MC4R: variants seen among roughly 807,000 people sequenced by gnomAD.
MC4R encodes the protein melanocortin 4 receptor.
In MC4R, 15 loss-of-function variants were observed where a neutral mutation model predicts 16.1. The observed-to-expected ratio is 0.93, with a 90% CI of 0.62 to 1.44. The LOEUF (loss-of-function observed/expected upper bound fraction) is 1.44, where lower values mean the gene tolerates loss of function less well. Among genes scored for constraint, MC4R ranks in the 40% most tolerant of loss-of-function variants. The pLI is 0.00. For synonymous variants in MC4R, 162 were observed against 151.7 expected, an observed-to-expected ratio of 1.07 and a Z score of -0.50; for missense variants, 416 against 411.4, an observed-to-expected ratio of 1.01 and a Z score of -0.10.
chr18:60,372,409 G>C lies in MC4R; in HGVS notation c.-60C>G, dbSNP rs763156013. On this transcript the variant is annotated 5_prime_UTR_variant, in exon 1 of 1. Coordinates refer to ENST00000299766, the MANE Select transcript of MC4R (RefSeq NM_005912.3). ...ATTTAACCTCCTGGGTCAGGGAGTC[G>C]TCTCAGTTATTTCCTCCAAGTCTTT... 3.5e-4 allele frequency: 556 copies of C among 1,573,200 alleles called. No homozygotes were observed. Among genetic ancestry groups the C allele is most frequent in the Non-Finnish European group, 4.7e-4 (539 of 1,149,482 alleles).
Position 60,372,014 on chromosome 18 carries a change from C to T in MC4R, c.336G>A (p.Thr112=), listed in dbSNP as rs201115059. The T allele has an allele frequency of 9.3e-6, 15 of 1,613,974 alleles. No individual in the cohort carries two copies. The highest frequency in any genetic ancestry group is 1.3e-5 in the African/African-American group (1 of 74,896). ...IVITLLNSTD[T]DAQSFTVNID... is the part of the protein sequence containing the mutation. ...TATTCACTGTGAAACTCTGTGCATC[C>T]GTATCTGTACTGTTTAATAGGGTGA... The change falls in exon 1 of 1, where the codon ACG becomes ACA. Residue 112 remains threonine, a synonymous_variant. Coordinates refer to ENST00000299766, the MANE Select transcript of MC4R (RefSeq NM_005912.3).
Position 60,371,277 on chromosome 18 carries a change from A to G in MC4R, c.*74T>C. The stretch of plus-strand genomic sequence containing the variant: ...ACACGGAAGAGAAAGCTGTTGCAGA[A>G]GTACAATATTCAGGTAGGGTAAGAG... On this transcript the variant is annotated 3_prime_UTR_variant, in exon 1 of 1. Transcript: ENST00000299766. 7.0e-7 allele frequency: 1 copy of G among 1,436,280 alleles called. No individual in the cohort carries two copies. The highest frequency in any genetic ancestry group is 9.8e-7 in the Non-Finnish European group (1 of 1,022,284). 89.0% of individuals were successfully genotyped at this position (1,436,280 alleles called of 1,614,324 possible).
In MC4R at chr18:60,372,040, T is replaced by A. The variant is rs1403250146; in HGVS notation, c.310A>T (p.Ile104Phe). The change falls in exon 1 of 1, where the codon ATC (isoleucine) becomes TTC (phenylalanine). Residue 104 changes from isoleucine (I) to phenylalanine (F), a missense_variant. Physicochemically the swap from Ile to Phe is conservative, Grantham distance 21. Coordinates refer to ENST00000299766, the MANE Select transcript of MC4R (RefSeq NM_005912.3). Reference protein sequence around the residue: ...SVSNGSETIVITLLNSTDTDA... With the variant: ...SVSNGSETIVFTLLNSTDTDA... ...GTATCTGTACTGTTTAATAGGGTGATGACAATGGTTTCTGATCCATTTGAA... is the reference window on the plus strand; with the variant it reads ...GTATCTGTACTGTTTAATAGGGTGAAGACAATGGTTTCTGATCCATTTGAA... 1 of 1,614,090 alleles carries A rather than the reference T, an allele frequency of 6.2e-7. No individual in the cohort carries two copies. The highest frequency in any genetic ancestry group is 2.2e-5 in the East Asian group (1 of 44,892).
Position 60,371,933 on chromosome 18 carries a change from G to C in MC4R, c.417C>G (p.Ser139Arg), listed in dbSNP as rs551371840. ...ICSSLLASICSLLSIAVDRYF... is the reference protein window; with the variant it reads ...ICSSLLASICRLLSIAVDRYF... ...ACCTGTCCACTGCAATTGAAAGCAG[G>C]CTGCAAATGGATGCAAGCAAGGAGC... is the stretch of plus-strand genomic sequence containing the variant. The change falls in exon 1 of 1, where the codon AGC becomes AGG. Residue 139 changes from serine (S) to arginine (R), a missense_variant. Coordinates refer to ENST00000299766, the MANE Select transcript of MC4R (RefSeq NM_005912.3). The C allele has an allele frequency of 1.2e-6, 2 of 1,614,130 alleles. No homozygotes were observed. Among genetic ancestry groups the C allele is most frequent in the African/African-American group, 1.3e-5 (1 of 75,044 alleles).
chr18:60,371,405 C>G lies in MC4R; in HGVS notation c.945G>C (p.Glu315Asp), dbSNP rs1915333800. The G allele has an allele frequency of 1.2e-6, 2 of 1,614,188 alleles. No individual in the cohort carries two copies. Among genetic ancestry groups the G allele is most frequent in the South Asian group, 2.2e-5 (2 of 91,086 alleles). Residue 315 changes from glutamate (E) to aspartate (D), a missense_variant, in exon 1 of 1, where the codon GAG becomes GAC. Coordinates refer to ENST00000299766, the MANE Select transcript of MC4R (RefSeq NM_005912.3). ...RSQELRKTFK[E>D]IICCYPLGGL... ...CTCCCAGGGGATAGCAACAGATGATCTCTTTGAAGGTTTTCCTCAGTTCTT... is the reference window on the plus strand; with the variant it reads ...CTCCCAGGGGATAGCAACAGATGATGTCTTTGAAGGTTTTCCTCAGTTCTT...
In MC4R at chr18:60,372,186, C is replaced by A. The variant is rs1270948834; in HGVS notation, c.164G>T (p.Gly55Val). The change falls in exon 1 of 1, where the codon GGT becomes GTT. Residue 55 changes from glycine to valine, a missense_variant. Physicochemically the swap from Gly to Val is moderately radical, Grantham distance 109. Transcript: ENST00000299766. ...FVSPEVFVTL[G>V]VISLLENILV... ...GATATTCTCCAACAAGCTGATGACA[C>A]CCAGAGTCACAAACACCTCAGGAGA... 4 of 1,614,234 alleles carry A rather than the reference C, an allele frequency of 2.5e-6. No individual in the cohort carries two copies. The Admixed American group carries it at 6.7e-5, about 27-fold the overall frequency.
At position 60,371,390 on chromosome 18, in the gene MC4R, A is replaced by G; in HGVS notation, c.960T>C (p.Tyr320=). The part of the protein sequence containing the change: ...RKTFKEIICC[Y]PLGGLCDLSS... ...ACAAGTCACAAAGGCCTCCCAGGGG[A>G]TAGCAACAGATGATCTCTTTGAAGG... Residue 320 remains tyrosine, a synonymous_variant, in exon 1 of 1, where the codon TAT becomes TAC. Coordinates refer to ENST00000299766, the MANE Select transcript of MC4R (RefSeq NM_005912.3). 1 of 1,614,146 alleles carries G rather than the reference A, an allele frequency of 6.2e-7. No individual in the cohort carries two copies. The highest frequency in any genetic ancestry group is 8.5e-7 in the Non-Finnish European group (1 of 1,180,010).
chr18:60,372,354 G>A lies in MC4R; in HGVS notation c.-5C>T. On this transcript the variant is annotated 5_prime_UTR_variant, in exon 1 of 1. Transcript: ENST00000299766. The stretch of plus-strand genomic sequence containing the variant: ...ACGGTGGGTGGAGTTCACCATGCTG[G>A]CAGGAGAATTCCAGTGTCCCCCTGA... 1 of 1,613,958 alleles carries A rather than the reference G, an allele frequency of 6.2e-7. No individual in the cohort carries two copies. The highest frequency in any genetic ancestry group is 8.5e-7 in the Non-Finnish European group (1 of 1,179,996).
rs1739704846 is a variant in MC4R at position 60,371,244 on chromosome 18, A to C, written c.*107T>G. 8.7e-7 allele frequency: 1 copy of C among 1,152,220 alleles called. No homozygotes were observed. The highest frequency in any genetic ancestry group is 1.2e-5 in the South Asian group (1 of 80,896). 71.4% of individuals were successfully genotyped at this position (1,152,220 alleles called of 1,614,324 possible). On this transcript the variant is annotated 3_prime_UTR_variant, in exon 1 of 1. Transcript: ENST00000299766. Reference sequence around the variant, plus strand: ...ATTTACACAATGGATATTCTCAACCAGTACCCTACACGGAAGAGAAAGCTG... The same window carrying C: ...ATTTACACAATGGATATTCTCAACCCGTACCCTACACGGAAGAGAAAGCTG...
chr18:60,372,233 C>T lies in MC4R; in HGVS notation c.117G>A (p.Gly39=), dbSNP rs772080417. 1.5e-5 allele frequency: 25 copies of T among 1,614,252 alleles called. No homozygotes were observed. Among genetic ancestry groups the T allele is most frequent in the Non-Finnish European group, 1.9e-5 (23 of 1,180,036 alleles). Residue 39 remains glycine (G), a synonymous_variant, in exon 1 of 1, where the codon GGG becomes GGA. Coordinates refer to ENST00000299766, the MANE Select transcript of MC4R (RefSeq NM_005912.3). Reference sequence around the variant, plus strand: ...GAGAGACAAAAAGTTGCTCGTAGCACCCTCCATCAGAGTAGCCTTTTCCAA... The same window carrying T: ...GAGAGACAAAAAGTTGCTCGTAGCATCCTCCATCAGAGTAGCCTTTTCCAA... The part of the protein sequence containing the change: ...ESLGKGYSDG[G]CYEQLFVSPE...
rs990022274 is a variant in MC4R at position 60,371,330 on chromosome 18, T to C, written c.*21A>G. On this transcript the variant is annotated 3_prime_UTR_variant, in exon 1 of 1. Coordinates refer to ENST00000299766, the MANE Select transcript of MC4R (RefSeq NM_005912.3). Reference sequence around the variant, plus strand: ...AAAAAGTCTCTTATGCATGTTCCTATATTGCGTGCTCTGTCCCCATTTAAT... The same window carrying C: ...AAAAAGTCTCTTATGCATGTTCCTACATTGCGTGCTCTGTCCCCATTTAAT... 3.9e-5 allele frequency: 63 copies of C among 1,613,564 alleles called. No homozygotes were observed. Among genetic ancestry groups the C allele is most frequent in the Non-Finnish European group, 5.3e-5 (62 of 1,179,734 alleles).
Position 60,372,530 on chromosome 18 carries a change from G to T in MC4R, c.-181C>A. 1 of 667,914 alleles carries T rather than the reference G, an allele frequency of 1.5e-6. No individual in the cohort carries two copies. Among genetic ancestry groups the T allele is most frequent in the Non-Finnish European group, 2.7e-6 (1 of 368,882 alleles). The allele number at this position is 667,914 out of a possible 1,614,324, so 41.4% of individuals were successfully genotyped here. A position where few individuals can be genotyped will look rare whatever the true frequency, so the allele number is the denominator to read the frequency against. On this transcript the variant is annotated 5_prime_UTR_variant, in exon 1 of 1. Coordinates refer to ENST00000299766, the MANE Select transcript of MC4R (RefSeq NM_005912.3). Reference sequence around the variant, plus strand: ...ACATGGAGTTTTTAGTCTCTTTTAGGTACGACTCTAATCATCATCACTTTA... The same window carrying T: ...ACATGGAGTTTTTAGTCTCTTTTAGTTACGACTCTAATCATCATCACTTTA...
chr18:60,371,975 A>G lies in MC4R; in HGVS notation c.375T>C (p.Ile125=). Residue 125 remains isoleucine (I), a synonymous_variant, in exon 1 of 1, where the codon ATT becomes ATC. Coordinates refer to ENST00000299766, the MANE Select transcript of MC4R (RefSeq NM_005912.3). ...GCAAGGAGCTACAGATCACCGAGTCAATGACATTATCAATATTCACTGTGA... is the reference window on the plus strand; with the variant it reads ...GCAAGGAGCTACAGATCACCGAGTCGATGACATTATCAATATTCACTGTGA... ...QSFTVNIDNV[I]DSVICSSLLA... The G allele has an allele frequency of 6.2e-7, 1 of 1,614,174 alleles. No homozygotes were observed. Among genetic ancestry groups the G allele is most frequent in the African/African-American group, 1.3e-5 (1 of 75,054 alleles).
In MC4R at chr18:60,372,650, C is replaced by G. The variant is rs937049029; in HGVS notation, c.-301G>C. The G allele has an allele frequency of 7.1e-6, 3 of 424,810 alleles. No individual in the cohort carries two copies. Among genetic ancestry groups the G allele is most frequent in the African/African-American group, 6.1e-5 (3 of 49,314 alleles). The allele number at this position is 424,810 out of a possible 1,614,324, so 26.3% of individuals were successfully genotyped here. ...TGCTTTAACTTTAATCTTATGCATT[C>G]AAGTCTGTTCAAAATAATTTTCCTT... On this transcript the variant is annotated 5_prime_UTR_variant, in exon 1 of 1. Transcript: ENST00000299766.
chr18:60,372,504 G>C lies in MC4R; in HGVS notation c.-155C>G. The C allele has an allele frequency of 2.6e-6, 2 of 769,940 alleles. No individual in the cohort carries two copies. Among genetic ancestry groups the C allele is most frequent in the South Asian group, 3.0e-5 (2 of 65,574 alleles). 47.7% of individuals were successfully genotyped at this position (769,940 alleles called of 1,614,324 possible). A position where few individuals can be genotyped will look rare whatever the true frequency, so the allele number is the denominator to read the frequency against. On this transcript the variant is annotated 5_prime_UTR_variant, in exon 1 of 1. The change creates a premature stop within an existing upstream ORF in the 5' untranslated region. Coordinates refer to ENST00000299766, the MANE Select transcript of MC4R (RefSeq NM_005912.3). ...AGTAAATGTCACAAGTCCAGAGCTT[G>C]ACATGGAGTTTTTAGTCTCTTTTAG...
In MC4R at chr18:60,371,309, A is replaced by T. The variant is rs182455344; in HGVS notation, c.*42T>A. ...TATTCAGGTAGGGTAAGAGTGAAAAAGTCTCTTATGCATGTTCCTATATTG... is the reference window on the plus strand; with the variant it reads ...TATTCAGGTAGGGTAAGAGTGAAAATGTCTCTTATGCATGTTCCTATATTG... On this transcript the variant is annotated 3_prime_UTR_variant, in exon 1 of 1. Transcript: ENST00000299766. 1.2e-5 allele frequency: 20 copies of T among 1,604,256 alleles called. No homozygotes were observed. Among genetic ancestry groups the T allele is most frequent in the Non-Finnish European group, 1.7e-5 (20 of 1,171,952 alleles).
Position 60,371,525 on chromosome 18 carries a change from T to C in MC4R, c.825A>G (p.Pro275=). The part of the protein sequence containing the change: ...LIFYISCPQN[P]YCVCFMSHFN... The stretch of plus-strand genomic sequence containing the variant: ...AGTGAGACATGAAGCACACACAATA[T>C]GGATTCTGAGGACAAGAGATGTAGA... Residue 275 remains proline, a synonymous_variant, in exon 1 of 1, where the codon CCA becomes CCG. Transcript: ENST00000299766. 6.2e-7 allele frequency: 1 copy of C among 1,614,192 alleles called. No individual in the cohort carries two copies. The highest frequency in any genetic ancestry group is 1.7e-5 in the Admixed American group (1 of 60,030).
chr18:60,371,162 A>G lies in MC4R; in HGVS notation c.*189T>C. 1 of 623,720 alleles carries G rather than the reference A, an allele frequency of 1.6e-6. No individual in the cohort carries two copies. Among genetic ancestry groups the G allele is most frequent in the Non-Finnish European group, 2.8e-6 (1 of 359,366 alleles). 38.6% of individuals were successfully genotyped at this position (623,720 alleles called of 1,614,324 possible). ...ATTTTATGGCCAAAAAAGTAGCATGACATTGGAAATAATACAGAGACTGGG... is the reference window on the plus strand; with the variant it reads ...ATTTTATGGCCAAAAAAGTAGCATGGCATTGGAAATAATACAGAGACTGGG... On this transcript the variant is annotated 3_prime_UTR_variant, in exon 1 of 1. Coordinates refer to ENST00000299766, the MANE Select transcript of MC4R (RefSeq NM_005912.3).
At position 60,371,347 on chromosome 18, in the gene MC4R, C is replaced by G; in HGVS notation, c.*4G>C. On this transcript the variant is annotated 3_prime_UTR_variant, in exon 1 of 1. Coordinates refer to ENST00000299766, the MANE Select transcript of MC4R (RefSeq NM_005912.3). ...TGTTCCTATATTGCGTGCTCTGTCCCCATTTAATATCTGCTAGACAAGTCA... is the reference window on the plus strand; with the variant it reads ...TGTTCCTATATTGCGTGCTCTGTCCGCATTTAATATCTGCTAGACAAGTCA... 1.9e-6 allele frequency: 3 copies of G among 1,614,034 alleles called. No homozygotes were observed. The highest frequency in any genetic ancestry group is 2.5e-6 in the Non-Finnish European group (3 of 1,180,010).
Sources: gnomAD v4.1 joint callset for allele counts on GRCh38, gnomAD v4.1.1 for gene constraint, MANE v1.5 for transcripts, NCBI Gene and HGNC (gene_info 2026-07-23, HGNC 2026-07-21) for gene names.